Variants in LRRTM4 observed in about 807,000 individuals in gnomAD.
The protein encoded by LRRTM4 is leucine-rich repeat transmembrane neuronal protein 4.
In LRRTM4, 25 loss-of-function variants were observed where a neutral mutation model predicts 47.6. That is an observed-to-expected ratio of 0.53 (90% CI 0.38 to 0.73). The LOEUF is 0.73. LRRTM4 is among the 30% of genes least tolerant of loss of function. The pLI is 0.00. For missense variants in LRRTM4, 638 were observed against 713.4 expected (o/e 0.89, Z 1.20); for synonymous variants, 311 against 269.5 (o/e 1.15, Z -1.51).
At chr2:76,800,751 T>A (rs1325086222) in intron 3 of LRRTM4, among the ~76,000 whole-genome samples, 1 of 104,412 alleles carries the variant, frequency 9.6e-6, no homozygotes, top group Non-Finnish European at 1.8e-5. Context: ...TCAAACAAAT[T>A]TACAAGAAAA....
At chr2:77,289,235 T>G (rs555855631) in intron 3 of LRRTM4, among the ~76,000 whole-genome samples, 142 of 151,976 alleles carry the variant, frequency 9.3e-4, no homozygotes, top group African/African-American at 3.3e-3. Context: ...CTTTTTTTTG[T>G]TACAACAATA....
At chr2:77,172,321 G>A (rs1455000248) in intron 3 of LRRTM4, among the ~76,000 whole-genome samples, 1 of 152,060 alleles carries the variant, frequency 6.6e-6, no homozygotes, top group Non-Finnish European at 1.5e-5. Context: ...AACTGGCCAG[G>A]CGTGGTGGCT....
At chr2:76,996,653 T>C (rs1353813360) in intron 3 of LRRTM4, among the ~76,000 whole-genome samples, 30 of 152,130 alleles carry the variant, frequency 2.0e-4, no homozygotes. Flanking sequence ...GTCATAAGCA[T>C]TTATGACCAC....
intron 3 of LRRTM4, among the ~76,000 whole-genome samples, chr2:77,180,633 A>C (rs1008027418): frequency 2.0e-5 from 3 of 152,186 alleles, no homozygotes; most frequent in African/African-American, 7.2e-5. Flanking sequence ...GTGTAAAATC[A>C]TGAAAATTAC....
At chr2:77,206,079 C>T (rs569269645) in intron 3 of LRRTM4, among the ~76,000 whole-genome samples, 23 of 152,036 alleles carry the variant, frequency 1.5e-4, no homozygotes, top group Non-Finnish European at 3.4e-4. Context: ...TGGGCTCAAG[C>T]GACCCCAACT....
At chr2:76,873,129 A>G (rs1225162611) in intron 3 of LRRTM4, among the ~76,000 whole-genome samples, 3 of 152,188 alleles carry the variant, frequency 2.0e-5, no homozygotes, top group Non-Finnish European at 4.4e-5. Flanking sequence ...CATACTATAC[A>G]GTAATTTATG....
In LRRTM4 at chr2:77,428,982, T is replaced by G. The variant is rs1172344397; in HGVS notation, c.1551+89336A>C. Among the ~76,000 whole-genome samples the G allele has an allele frequency of 1.3e-5, 2 of 152,174 alleles. 1 individual carries two copies. Among genetic ancestry groups the G allele is most frequent in the Non-Finnish European group, 2.9e-5 (2 of 68,038 alleles). ...AAAAGAACAGACCTAAATTAATCCT[T>G]TACTGGGTAGGAAAGTTTAACAATG... On this transcript the variant is annotated intron_variant, in intron 3 of 3. Coordinates refer to ENST00000409884, the MANE Select transcript of LRRTM4 (RefSeq NM_001134745.3).
intron 3 of LRRTM4, among the ~76,000 whole-genome samples, chr2:77,362,145 G>GAA (rs1219758975): frequency 6.7e-6 from 1 of 149,234 alleles, no homozygotes; most frequent in South Asian, 2.1e-4. Context: ...AAGAAAGAAA[G>GAA]AAAGAAAGAA....
At chr2:76,920,186 T>C (rs562300788) in intron 3 of LRRTM4, among the ~76,000 whole-genome samples, 1 of 152,270 alleles carries the variant, frequency 6.6e-6, no homozygotes, top group African/African-American at 2.4e-5. Flanking sequence ...GTAATCTTAA[T>C]GGAAATAGTT....
intron 3 of LRRTM4, among the ~76,000 whole-genome samples, chr2:77,365,687 G>A (rs1353179262): frequency 6.6e-6 from 1 of 151,358 alleles, no homozygotes; most frequent in Non-Finnish European, 1.5e-5. Flanking sequence ...TAATAAACTT[G>A]ATGGAATACT....
At chr2:76,979,670 A>C (rs891215454) in intron 3 of LRRTM4, among the ~76,000 whole-genome samples, 1 of 144,842 alleles carries the variant, frequency 6.9e-6, no homozygotes, top group African/African-American at 2.6e-5. Flanking sequence ...TTGTGTTTGA[A>C]TCACAGCTTT....
chr2:76,793,538 T>C (rs184687422), intron 3 of LRRTM4, among the ~76,000 whole-genome samples: 2,550 of 152,198 alleles, frequency 0.017, 26 homozygotes, highest in Non-Finnish European at 0.025. Flanking sequence ...AAGAGCTACA[T>C]TGTATTTTTA....
At chr2:77,007,271 T>C (rs1436383175) in intron 3 of LRRTM4, among the ~76,000 whole-genome samples, 2 of 151,822 alleles carry the variant, frequency 1.3e-5, no homozygotes, top group South Asian at 2.1e-4. Context: ...GCACAGAGGA[T>C]TGTGAGTAAA....
chr2:77,071,610 T>A (rs1680157388), intron 3 of LRRTM4, among the ~76,000 whole-genome samples: 1 of 152,212 alleles, frequency 6.6e-6, no homozygotes, highest in Non-Finnish European at 1.5e-5. Context: ...TTTATTCCTG[T>A]AACATTATCT....
chr2:77,175,599 C>T (rs1225959493), intron 3 of LRRTM4, among the ~76,000 whole-genome samples: 5 of 152,266 alleles, frequency 3.3e-5, no homozygotes, highest in African/African-American at 9.6e-5. Flanking sequence ...CTTGATGCAA[C>T]GTGACCTTTT....
chr2:77,271,811 T>C (rs1038823447), intron 3 of LRRTM4, among the ~76,000 whole-genome samples: 5 of 152,186 alleles, frequency 3.3e-5, no homozygotes, highest in Non-Finnish European at 7.3e-5. Flanking sequence ...TTTTCTCTGA[T>C]CCAATAGCAG....
In LRRTM4 at chr2:77,226,538, C is replaced by CATATATATAT. The variant is rs60188707; in HGVS notation, c.1551+291770_1551+291779dup. On this transcript the variant is annotated intron_variant, in intron 3 of 3. Transcript: ENST00000409884. ...TGCTTATTACAGAGCAAATTATATA[C>CATATATATAT]ATATATATATATATATATATATATA... Among the ~76,000 whole-genome samples the CATATATATAT allele has an allele frequency of 3.5e-4, 51 of 144,112 alleles. No homozygotes were observed. The East Asian group carries it at 6.0e-3, about 17-fold the overall frequency. The allele number at this position is 144,112 out of a possible 152,430, so 94.5% of individuals were successfully genotyped here.
chr2:77,085,181 T>C lies in LRRTM4; in HGVS notation c.1552-336265A>G, dbSNP rs532454426. Among the ~76,000 whole-genome samples the C allele has an allele frequency of 1.1e-4, 17 of 152,118 alleles. No homozygotes were observed. The East Asian group carries it at 3.3e-3, about 29-fold the overall frequency. ...TATGAAGAAATATTTTAGGCTACTA[T>C]TGGTCTTTAATACATTTTATTTTAT... On this transcript the variant is annotated intron_variant, in intron 3 of 3. Coordinates refer to ENST00000409884, the MANE Select transcript of LRRTM4 (RefSeq NM_001134745.3).
At chr2:77,093,085 C>G (rs1670700786) in intron 3 of LRRTM4, among the ~76,000 whole-genome samples, 1 of 146,200 alleles carries the variant, frequency 6.8e-6, no homozygotes, top group Non-Finnish European at 1.5e-5. Context: ...TTAGACTGTG[C>G]CCCAAAAAAC....
Sources: gnomAD v4.1 joint callset for allele counts (sites outside exome capture counted in the v4.1 genomes callset) on GRCh38, gnomAD v4.1.1 for gene constraint, MANE v1.5 for transcripts, NCBI Gene and HGNC (gene_info 2026-07-23, HGNC 2026-07-21) for gene names.